The following ADAM11 variants were observed in gnomAD, a reference collection of about 807,000 sequenced individuals.
ADAM11 encodes the protein ADAM metallopeptidase domain 11.
Under a neutral mutation model 119.1 loss-of-function variants are expected in ADAM11, and 49 were observed. The ratio of observed to expected loss-of-function variants is 0.41; its 90% CI spans 0.33 to 0.52. The LOEUF is 0.52. Among genes scored for constraint, ADAM11 ranks in the 20% least tolerant of loss-of-function variants. The pLI is 0.20. For missense variants in ADAM11, 777 were observed against 1,047.5 expected (o/e 0.74, Z 3.56); for synonymous variants, 364 against 408.0 (o/e 0.89, Z 1.30).
Position 44,772,444 on chromosome 17 carries a change from C to A in ADAM11, c.656C>A (p.Pro219Gln), listed in dbSNP as rs755805001. 3.2e-6 allele frequency: 5 copies of A among 1,575,142 alleles called. No homozygotes were observed. Among genetic ancestry groups the A allele is most frequent in the Admixed American group, 1.8e-5 (1 of 54,462 alleles). ...VPAQSAPPNR[P>Q]RLRRKRQVRR... ...GCCCAGTCGGCTCCTCCAAACCGGC[C>A]GAGGCTGAGAAGGAAAAGGCAGGTA... Residue 219 changes from proline to glutamine, a missense_variant, in exon 8 of 27, where the codon CCG becomes CAG. Pro to Gln is a moderately conservative substitution (Grantham distance 76, BLOSUM62 -1). Coordinates refer to ENST00000200557, the MANE Select transcript of ADAM11 (RefSeq NM_002390.6). This position sits in a 1 kb window ranked among gnomAD's most constrained non-coding sequence, Gnocchi z 4.5.
chr17:44,777,685 A>C lies in ADAM11; in HGVS notation c.1902-10A>C. 6.2e-7 allele frequency: 1 copy of C among 1,613,454 alleles called. No homozygotes were observed. On this transcript the variant is annotated splice_polypyrimidine_tract_variant and intron_variant, in intron 22 of 26. Coordinates refer to ENST00000200557, the MANE Select transcript of ADAM11 (RefSeq NM_002390.6). This position sits in a 1 kb window ranked among gnomAD's most constrained non-coding sequence, Gnocchi z 5.1. Reference sequence around the variant, plus strand: ...ACAGGGGGCTGAGGCTGGCTGTGTCACTTCCCCAGGGGAGGCCACGTGCAG... The same window carrying C: ...ACAGGGGGCTGAGGCTGGCTGTGTCCCTTCCCCAGGGGAGGCCACGTGCAG...
Position 44,780,024 on chromosome 17 carries a change from C to T in ADAM11, c.*270C>T. On this transcript the variant is annotated 3_prime_UTR_variant, in exon 27 of 27. Coordinates refer to ENST00000200557, the MANE Select transcript of ADAM11 (RefSeq NM_002390.6). ...CACCCACTGCCCCGTGTGAATGTAG[C>T]TTCCACCTCATGGATTGCCACAGCT... The T allele has an allele frequency of 1.4e-6, 1 of 697,448 alleles. No homozygotes were observed. Among genetic ancestry groups the T allele is most frequent in the South Asian group, 1.5e-5 (1 of 66,780 alleles). 43.2% of individuals were successfully genotyped at this position (697,448 alleles called of 1,614,324 possible). A position where few individuals can be genotyped will look rare whatever the true frequency, so the allele number is the denominator to read the frequency against.
Position 44,777,631 on chromosome 17 carries a change from G to A in ADAM11, c.1901+30G>A. 5 of 1,613,990 alleles carry A rather than the reference G, an allele frequency of 3.1e-6. No individual in the cohort carries two copies. The highest frequency in any genetic ancestry group is 4.2e-6 in the Non-Finnish European group (5 of 1,179,916). ...TGGCCAGGACCAAGACTAGGGAGGG[G>A]AGGTTGCAGCTGTGCTGGGGGTTAG... On this transcript the variant is annotated intron_variant, in intron 22 of 26. Coordinates refer to ENST00000200557, the MANE Select transcript of ADAM11 (RefSeq NM_002390.6). The surrounding 1 kb of genome is among the most constrained non-coding windows in gnomAD (Gnocchi z 5.1).
Position 44,775,363 on chromosome 17 carries a change from G to C in ADAM11, c.1321-31G>C, listed in dbSNP as rs1339595335. ...GGAGCGGGCCCTGGGCGGGGTCCGG[G>C]CCAGACTCCCGACCTGTCCTCCCGG... is the stretch of plus-strand genomic sequence containing the variant. On this transcript the variant is annotated intron_variant, in intron 15 of 26. Coordinates refer to ENST00000200557, the MANE Select transcript of ADAM11 (RefSeq NM_002390.6). The surrounding 1 kb of genome is among the most constrained non-coding windows in gnomAD (Gnocchi z 7.5). The C allele has an allele frequency of 1.9e-6, 3 of 1,612,902 alleles. No homozygotes were observed. The African/African-American group carries it at 4.0e-5, about 22-fold the overall frequency.
At position 44,775,774 on chromosome 17, in the gene ADAM11, C is replaced by CGGGGACGAAGGCCTCT; in HGVS notation, c.1485+103_1485+118dup. The CGGGGACGAAGGCCTCT allele has an allele frequency of 2.3e-6, 3 of 1,303,562 alleles. No individual in the cohort carries two copies. The highest frequency in any genetic ancestry group is 3.1e-6 in the Non-Finnish European group (3 of 958,550). The allele number at this position is 1,303,562 out of a possible 1,614,324, so 80.7% of individuals were successfully genotyped here. ...GAGCTAGGGAGGGAAGCGGAGCCTT[C>CGGGGACGAAGGCCTCT]GGGGACGAAGGCCTCTGGGGCAGGG... On this transcript the variant is annotated intron_variant, in intron 17 of 26. Coordinates refer to ENST00000200557, the MANE Select transcript of ADAM11 (RefSeq NM_002390.6). This position sits in a 1 kb window ranked among gnomAD's most constrained non-coding sequence, Gnocchi z 7.5.
chr17:44,763,879 G>C (rs1048218604), intron 2 of ADAM11, among the ~76,000 whole-genome samples: 15 of 152,060 alleles, frequency 9.9e-5, no homozygotes, highest in Non-Finnish European at 1.9e-4. Flanking sequence ...ACCACTTCCA[G>C]CTAATTTTTG....
At position 44,759,738 on chromosome 17, in the gene ADAM11, T is replaced by G; in HGVS notation, c.78T>G (p.Gly26=). 2 of 1,324,858 alleles carry G rather than the reference T, an allele frequency of 1.5e-6. No individual in the cohort carries two copies. 82.1% of individuals were successfully genotyped at this position (1,324,858 alleles called of 1,614,324 possible). Residue 26 remains glycine (G), a synonymous_variant, in exon 2 of 27, where the codon GGT becomes GGG. Transcript: ENST00000200557. Reference sequence around the variant, plus strand: ...TTTCCCCAGGTCTTGGGACCCAAGGTCCTGCTGGAGCTCTGCGATGGGGGG... The same window carrying G: ...TTTCCCCAGGTCTTGGGACCCAAGGGCCTGCTGGAGCTCTGCGATGGGGGG... ...LLPTPGLGTQ[G]PAGALRWGGL...
Position 44,773,038 on chromosome 17 carries a change from G to A in ADAM11, c.778G>A (p.Val260Ile). ...QLFEQMRQSV[V>I]LTSNFAKSVV... ...GTTCGAGCAGATGCGACAGTCGGTGGTCCTCACCAGCAACTTTGCCAAGTC... is the reference window on the plus strand; with the variant it reads ...GTTCGAGCAGATGCGACAGTCGGTGATCCTCACCAGCAACTTTGCCAAGTC... The change falls in exon 10 of 27, where the codon GTC becomes ATC. Residue 260 changes from valine to isoleucine, a missense_variant. Transcript: ENST00000200557. This position sits in a 1 kb window ranked among gnomAD's most constrained non-coding sequence, Gnocchi z 4.6. The A allele has an allele frequency of 1.9e-6, 3 of 1,613,974 alleles. No individual in the cohort carries two copies. Among genetic ancestry groups the A allele is most frequent in the Admixed American group, 1.7e-5 (1 of 60,010 alleles).
Position 44,775,744 on chromosome 17 carries a change from G to A in ADAM11, c.1485+68G>A, listed in dbSNP as rs2049592436. On this transcript the variant is annotated intron_variant, in intron 17 of 26. Transcript: ENST00000200557. The surrounding 1 kb of genome is among the most constrained non-coding windows in gnomAD (Gnocchi z 7.5). ...AGCGATTGGAGGCCTTCATATAAGG[G>A]GTGGGAGCTAGGGAGGGAAGCGGAG... 3 of 1,473,284 alleles carry A rather than the reference G, an allele frequency of 2.0e-6. No homozygotes were observed. Among genetic ancestry groups the A allele is most frequent in the African/African-American group, 1.4e-5 (1 of 71,636 alleles). 91.3% of individuals were successfully genotyped at this position (1,473,284 alleles called of 1,614,324 possible).
intron 4 of ADAM11, 50 bp downstream of exon 4, chr17:44,770,098 T>TTTCTGTGG (rs757317211): frequency 1.3e-6 from 2 of 1,599,726 alleles, no homozygotes; most frequent in East Asian, 2.3e-5. Context: ...GGAGGTGCTG[T>TTTCTGTGG]TTCTGTGGTT....
intron 4 of ADAM11, among the ~76,000 whole-genome samples, chr17:44,770,264 G>C (rs1390160793): frequency 6.6e-6 from 1 of 152,180 alleles, no homozygotes; most frequent in Non-Finnish European, 1.5e-5. Flanking sequence ...CTTGGCCCCA[G>C]AGCTCTGACC....
Position 44,781,846 on chromosome 17 carries a change from A to C in ADAM11, c.*2092A>C, listed in dbSNP as rs2049697611. The C allele has an allele frequency of 6.6e-6, 1 of 152,188 alleles. No homozygotes were observed. The highest frequency in any genetic ancestry group is 1.5e-5 in the Non-Finnish European group (1 of 68,076). The allele number at this position is 152,188 out of a possible 1,614,324, so 9.4% of individuals were successfully genotyped here. A position where few individuals can be genotyped will look rare whatever the true frequency, so the allele number is the denominator to read the frequency against. On this transcript the variant is annotated 3_prime_UTR_variant, in exon 27 of 27. Transcript: ENST00000200557. ...TGGGGCTTCCAGGGAGCTCACACCA[A>C]CCTTGCGTTTCTCTCCTGTCTGTGA... is the stretch of plus-strand genomic sequence containing the variant.
Position 44,770,503 on chromosome 17 carries a change from C to G in ADAM11, c.381+455C>G, listed in dbSNP as rs1474044194. Reference sequence around the variant, plus strand: ...ATAGCCTGTCTCCCCCCCCCCCGCCCCCACTGCCTGTTCAGTAACTGGAGC... The same window carrying G: ...ATAGCCTGTCTCCCCCCCCCCCGCCGCCACTGCCTGTTCAGTAACTGGAGC... On this transcript the variant is annotated intron_variant, in intron 4 of 26. Coordinates refer to ENST00000200557, the MANE Select transcript of ADAM11 (RefSeq NM_002390.6). 8.9e-5 allele frequency among the ~76,000 whole-genome samples: 12 copies of G among 135,080 alleles called. 1 individual carries two copies. The highest frequency in any genetic ancestry group is 3.3e-4 in the African/African-American group (12 of 35,902). The allele number at this position is 135,080 out of a possible 152,430, so 88.6% of individuals were successfully genotyped here.
intron 25 of ADAM11, among the ~76,000 whole-genome samples, 174 bp downstream of exon 25, chr17:44,778,416 A>G (rs988618373): frequency 6.6e-6 from 1 of 152,136 alleles, no homozygotes; most frequent in Non-Finnish European, 1.5e-5. Flanking sequence ...TTTAGGCTAG[A>G]TGAGGTGGCT....
In ADAM11 at chr17:44,773,455, C is replaced by A; in HGVS notation, c.992+28C>A. 1 of 1,605,690 alleles carries A rather than the reference C, an allele frequency of 6.2e-7. No homozygotes were observed. The highest frequency in any genetic ancestry group is 2.2e-5 in the East Asian group (1 of 44,702). ...GAGTCCCCCACCCTGCACCTCCTGC[C>A]AGCCTCTGCTAGTTGCTACAGTGCT... On this transcript the variant is annotated intron_variant, in intron 11 of 26. Transcript: ENST00000200557. The surrounding 1 kb of genome is among the most constrained non-coding windows in gnomAD (Gnocchi z 4.6).
rs201407176 is a variant in ADAM11 at position 44,772,479 on chromosome 17, G to A, written c.678+13G>A. The A allele has an allele frequency of 5.4e-5, 85 of 1,560,814 alleles. 1 individual carries two copies. The Admixed American group carries it at 9.9e-4, about 18-fold the overall frequency. ...AAGGAAAAGGCAGGTACGGGGGCCC[G>A]CACAGACCTCGGGCTGCAGAGACCT... is the stretch of plus-strand genomic sequence containing the variant. On this transcript the variant is annotated intron_variant, in intron 8 of 26. Coordinates refer to ENST00000200557, the MANE Select transcript of ADAM11 (RefSeq NM_002390.6). The surrounding 1 kb of genome is among the most constrained non-coding windows in gnomAD (Gnocchi z 4.5).
intron 2 of ADAM11, 29 bp downstream of exon 2, chr17:44,759,926 G>A: frequency 7.9e-7 from 1 of 1,261,826 alleles, no homozygotes; most frequent in East Asian, 3.1e-5. Context: ...TGAGGCCAGG[G>A]GCTGAAGCAG....
At chr17:44,768,608 G>A (rs767323909) in intron 2 of ADAM11, among the ~76,000 whole-genome samples, 5 of 152,282 alleles carry the variant, frequency 3.3e-5, no homozygotes, top group Admixed American at 6.5e-5. Flanking sequence ...ATCAAACAGG[G>A]CAATACTCTT....
Position 44,777,648 on chromosome 17 carries a change from GGGGGTT to G in ADAM11, c.1902-46_1902-41del. 1 of 1,613,710 alleles carries G rather than the reference GGGGGTT, an allele frequency of 6.2e-7. No homozygotes were observed. The highest frequency in any genetic ancestry group is 8.5e-7 in the Non-Finnish European group (1 of 1,179,776). ...AGGGAGGGGAGGTTGCAGCTGTGCT[GGGGGTT>G]AGGAGACAGGGGGCTGAGGCTGGCT... On this transcript the variant is annotated intron_variant, in intron 22 of 26. Transcript: ENST00000200557. The surrounding 1 kb of genome is among the most constrained non-coding windows in gnomAD (Gnocchi z 5.1).
Sources: gnomAD v4.1 joint callset for allele counts (sites outside exome capture counted in the v4.1 genomes callset) on GRCh38, gnomAD v4.1.1 for gene constraint, Gnocchi (gnomAD v3.1) non-coding constraint, MANE v1.5 for transcripts, NCBI Gene and HGNC (gene_info 2026-07-23, HGNC 2026-07-21) for gene names.